Variants in PXDN observed in about 807,000 individuals in gnomAD.
PXDN encodes the protein peroxidasin.
PXDN carries 77 observed loss-of-function variants against 140.3 expected under a neutral mutation model. The ratio of observed to expected loss-of-function variants is 0.55; its 90% CI spans 0.46 to 0.66. The LOEUF (loss-of-function observed/expected upper bound fraction) is 0.66. Among genes scored for constraint, PXDN ranks in the 30% least tolerant of loss-of-function variants. PXDN has a pLI of 0.00. For synonymous variants in PXDN, 911 were observed against 857.4 expected (o/e 1.06, Z -1.09); for missense variants, 1,838 against 2,039.5 (o/e 0.90, Z 1.90).
chr2:1,713,055 A>G (rs1389824643), intron 1 of PXDN, among the ~76,000 whole-genome samples: 2 of 152,080 alleles, frequency 1.3e-5, no homozygotes, highest in African/African-American at 4.8e-5. Context: ...TTTTTTCTTA[A>G]AAAGAATACT....
chr2:1,729,904 CAAT>C (rs1231794033), intron 1 of PXDN, among the ~76,000 whole-genome samples: 6 of 152,180 alleles, frequency 3.9e-5, no homozygotes, highest in Non-Finnish European at 8.8e-5. Flanking sequence ...TGGTCATTAA[CAAT>C]GATGATGGAG....
chr2:1,654,811 T>G (rs1309225780), intron 14 of PXDN, among the ~76,000 whole-genome samples: 3 of 152,152 alleles, frequency 2.0e-5, no homozygotes, highest in African/African-American at 7.2e-5. Flanking sequence ...AGGTGTGGAC[T>G]GAGGCCTCCC....
At chr2:1,634,855 C>T (rs1442663560) in intron 22 of PXDN, among the ~76,000 whole-genome samples, 1 of 152,228 alleles carries the variant, frequency 6.6e-6, no homozygotes, top group Non-Finnish European at 1.5e-5. Flanking sequence ...CCTGCCTCCT[C>T]ACACTATGCC....
At chr2:1,652,574 A>T (rs1683038851) in intron 16 of PXDN, among the ~76,000 whole-genome samples, 1 of 151,862 alleles carries the variant, frequency 6.6e-6, no homozygotes, top group Admixed American at 6.6e-5. Context: ...CTCCAACTCC[A>T]ACATTTCCTG....
At chr2:1,702,607 A>G (rs1270609346) in intron 1 of PXDN, among the ~76,000 whole-genome samples, 1 of 152,142 alleles carries the variant, frequency 6.6e-6, no homozygotes, top group Non-Finnish European at 1.5e-5. Context: ...TTCAGGGCAC[A>G]GCTTGTTTTT....
rs548375226 is a variant in PXDN at position 1,696,795 on chromosome 2, GC to G, written c.201-3662del. Among the ~76,000 whole-genome samples, 8 of 152,278 alleles carry G rather than the reference GC, an allele frequency of 5.3e-5. No homozygotes were observed. The South Asian group carries it at 1.7e-3, about 32-fold the overall frequency. On this transcript the variant is annotated intron_variant, in intron 1 of 22. Coordinates refer to ENST00000252804, the MANE Select transcript of PXDN (RefSeq NM_012293.3). ...GCACACGTGTTACTGGAGGGGACTTGCAGCTGCCTCAGAAACCCTCCTGCTC... is the reference window on the plus strand; with the variant it reads ...GCACACGTGTTACTGGAGGGGACTTGAGCTGCCTCAGAAACCCTCCTGCTC...
At chr2:1,696,289 C>T (rs377132354) in intron 1 of PXDN, among the ~76,000 whole-genome samples, 19 of 152,264 alleles carry the variant, frequency 1.2e-4, no homozygotes, top group African/African-American at 4.1e-4. Flanking sequence ...GTGGATGGCA[C>T]TGGTCTAGGT....
chr2:1,737,465 T>C, intron 1 of PXDN, among the ~76,000 whole-genome samples: 1 of 152,172 alleles, frequency 6.6e-6, no homozygotes, highest in Admixed American at 6.5e-5. Flanking sequence ...CACTGAGACA[T>C]CTTTTAGATT....
chr2:1,732,778 C>T (rs934511329), intron 1 of PXDN, among the ~76,000 whole-genome samples: 6 of 152,068 alleles, frequency 3.9e-5, no homozygotes, highest in African/African-American at 1.4e-4. Flanking sequence ...TATTACAATC[C>T]CTATTGAGAA....
intron 1 of PXDN, among the ~76,000 whole-genome samples, chr2:1,742,152 T>C (rs1159640103): frequency 2.0e-5 from 3 of 152,228 alleles, no homozygotes; most frequent in Non-Finnish European, 4.4e-5. Context: ...GCTCCTCCTC[T>C]TGGCCACAGG....
At chr2:1,666,102 A>G (rs1481471500) in intron 10 of PXDN, 112 bp downstream of exon 10, 1 of 1,394,914 alleles carries the variant, frequency 7.2e-7, no homozygotes, top group Non-Finnish European at 9.8e-7. Context: ...AACCGAGTGA[A>G]GTGGACAGGG....
intron 19 of PXDN, among the ~76,000 whole-genome samples, chr2:1,642,601 C>CT (rs1326992214): frequency 6.6e-6 from 1 of 152,184 alleles, no homozygotes; most frequent in Non-Finnish European, 1.5e-5. Context: ...AACTTGGGTT[C>CT]TAAACATCCC....
At chr2:1,702,257 G>A (rs532182472) in intron 1 of PXDN, among the ~76,000 whole-genome samples, 1 of 152,276 alleles carries the variant, frequency 6.6e-6, no homozygotes, top group African/African-American at 2.4e-5. Flanking sequence ...CCAGGCAACG[G>A]GAATTGGGGT....
At chr2:1,658,109 T>C in intron 14 of PXDN, among the ~76,000 whole-genome samples, 1 of 137,068 alleles carries the variant, frequency 7.3e-6, no homozygotes, top group Non-Finnish European at 1.5e-5. Flanking sequence ...AGTGTCTGCG[T>C]GCGTCCACTC....
rs761207122 is a variant in PXDN, at chr2:1,660,937, C to T, written c.1781G>A (p.Cys594Tyr). 6.2e-7 allele frequency: 1 copy of T among 1,614,010 alleles called. No individual in the cohort carries two copies. Among genetic ancestry groups the T allele is most frequent in the Non-Finnish European group, 8.5e-7 (1 of 1,179,898 alleles). ...CGACCCAATGGTGTTCCGGGCCACA[C>T]ACTCATAGCGACCTGCGTCTGCAGG... ...VGPADAGRYE[C>Y]VARNTIGSAS... Residue 594 changes from cysteine (C) to tyrosine (Y), a missense_variant, in exon 14 of 23, where the codon TGT becomes TAT. Cys to Tyr is a radical substitution (Grantham distance 194). Transcript: ENST00000252804. This position sits in a 1 kb window ranked among gnomAD's most constrained non-coding sequence, Gnocchi z 4.6.
At chr2:1,638,052 A>C (rs80303806) in intron 21 of PXDN, among the ~76,000 whole-genome samples, 26,631 of 152,128 alleles carry the variant, frequency 0.18, 2,646 homozygotes, top group East Asian at 0.29. Context: ...GCTGGGGGTT[A>C]CCTTGGGGCT....
At chr2:1,728,847 GA>G (rs1685248361) in intron 1 of PXDN, among the ~76,000 whole-genome samples, 1 of 152,166 alleles carries the variant, frequency 6.6e-6, no homozygotes, top group African/African-American at 2.4e-5. Flanking sequence ...AGGAGGATTT[GA>G]AAAAACTTTT....
intron 1 of PXDN, among the ~76,000 whole-genome samples, chr2:1,718,297 C>A (rs1409690646): frequency 7.4e-6 from 1 of 134,880 alleles, no homozygotes; most frequent in Non-Finnish European, 1.7e-5. Flanking sequence ...ACTCTACTAA[C>A]CTACTCCACT....
intron 18 of PXDN, among the ~76,000 whole-genome samples, 179 bp downstream of exon 18, chr2:1,644,439 C>G (rs1223511129): frequency 6.6e-6 from 1 of 152,130 alleles, no homozygotes; most frequent in Admixed American, 6.5e-5. Context: ...ACATGTAAGC[C>G]CAAGGCGGTG....
Sources: allele counts gnomAD v4.1 joint callset (sites outside exome capture counted in the v4.1 genomes callset), GRCh38; gene constraint gnomAD v4.1.1; non-coding constraint Gnocchi (gnomAD v3.1); transcripts MANE v1.5; gene names NCBI Gene and HGNC (gene_info 2026-07-23, HGNC 2026-07-21).